Variants in KCTD8 observed in about 807,000 individuals in gnomAD.
The protein encoded by KCTD8 is BTB/POZ domain-containing protein KCTD8.
In KCTD8, 27 loss-of-function variants were observed where a neutral mutation model predicts 31.5. That is an observed-to-expected ratio of 0.86 (90% CI 0.63 to 1.18). The LOEUF (loss-of-function observed/expected upper bound fraction) is 1.18, where lower values mean the gene tolerates loss of function less well. KCTD8 is among the 50% of genes most tolerant of loss of function. KCTD8 has a pLI of 0.00. For synonymous variants in KCTD8, 290 were observed against 280.0 expected (o/e 1.04, Z -0.36); for missense variants, 658 against 647.7 (o/e 1.02, Z -0.17).
chr4:44,326,743 T>G (rs1718451006), intron 1 of KCTD8, among the ~76,000 whole-genome samples: 1 of 151,842 alleles, frequency 6.6e-6, no homozygotes, highest in Non-Finnish European at 1.5e-5. Flanking sequence ...CTCTTCTGGT[T>G]ATTTACTATG....
chr4:44,258,785 T>C (rs1159026828), intron 1 of KCTD8, among the ~76,000 whole-genome samples: 1 of 151,876 alleles, frequency 6.6e-6, no homozygotes, highest in Non-Finnish European at 1.5e-5. Context: ...ATGAGTCAAG[T>C]GGTTTAAAAT....
chr4:44,243,836 A>T (rs917566632), intron 1 of KCTD8, among the ~76,000 whole-genome samples: 3 of 152,230 alleles, frequency 2.0e-5, no homozygotes, highest in Non-Finnish European at 4.4e-5. Context: ...ATTTTTGTCC[A>T]TTACTTTGCT....
At position 44,225,851 on chromosome 4, in the gene KCTD8, T is replaced by G. The variant is rs543578689; in HGVS notation, c.962-50601A>C. On this transcript the variant is annotated intron_variant, in intron 1 of 1. Coordinates refer to ENST00000360029, the MANE Select transcript of KCTD8 (RefSeq NM_198353.3). ...TTTTTTTTTTTTCGAGATGGAGTCT[T>G]GCTCTGTCGCCCAGGCTGGAGTGCC... 1.0e-4 allele frequency among the ~76,000 whole-genome samples: 15 copies of G among 143,954 alleles called. No homozygotes were observed. In the East Asian group the frequency reaches 3.2e-3, roughly 30 times the overall value. 94.4% of individuals were successfully genotyped at this position (143,954 alleles called of 152,430 possible).
intron 1 of KCTD8, among the ~76,000 whole-genome samples, chr4:44,266,932 C>T (rs910546356): frequency 6.6e-6 from 1 of 151,838 alleles, no homozygotes; most frequent in East Asian, 1.9e-4. Flanking sequence ...TAGACTCCCA[C>T]ACAATAATAA....
intron 1 of KCTD8, among the ~76,000 whole-genome samples, chr4:44,315,540 T>G (rs757916723): frequency 7.9e-5 from 12 of 152,162 alleles, no homozygotes; most frequent in Admixed American, 2.6e-4. Flanking sequence ...TAAGATTCAC[T>G]AGTTACTCTA....
chr4:44,260,102 G>A (rs1047763170), intron 1 of KCTD8, among the ~76,000 whole-genome samples: 5 of 150,966 alleles, frequency 3.3e-5, no homozygotes, highest in African/African-American at 1.2e-4. Flanking sequence ...CTTGTCACAA[G>A]CAAAATGAGA....
chr4:44,252,700 G>A (rs966858778), intron 1 of KCTD8, among the ~76,000 whole-genome samples: 3 of 151,440 alleles, frequency 2.0e-5, no homozygotes, highest in African/African-American at 7.3e-5. Context: ...ATTCTGCCTT[G>A]CCCTAGTGTA....
At position 44,380,283 on chromosome 4, in the gene KCTD8, C is replaced by G. The variant is rs910315242; in HGVS notation, c.961+67280G>C. Among the ~76,000 whole-genome samples, 91 of 151,760 alleles carry G rather than the reference C, an allele frequency of 6.0e-4. 1 individual carries two copies. The highest frequency in any genetic ancestry group is 2.1e-3 in the African/African-American group (87 of 41,366). On this transcript the variant is annotated intron_variant, in intron 1 of 1. Transcript: ENST00000360029. ...TTATCAAATTAAGCTACTCCAGATT[C>G]TACTTTCAGGTCACTTCTACAACCT...
At chr4:44,420,769 C>T (rs188483843) in intron 1 of KCTD8, among the ~76,000 whole-genome samples, 1 of 151,972 alleles carries the variant, frequency 6.6e-6, no homozygotes, top group Admixed American at 6.6e-5. Context: ...AATAATCATT[C>T]CTAATAGAGC....
At chr4:44,281,482 C>T (rs1716904447) in intron 1 of KCTD8, among the ~76,000 whole-genome samples, 1 of 152,108 alleles carries the variant, frequency 6.6e-6, no homozygotes, top group Admixed American at 6.6e-5. Flanking sequence ...CTGGACACTA[C>T]TCTGAACAAG....
At chr4:44,262,978 T>C (rs1354645493) in intron 1 of KCTD8, among the ~76,000 whole-genome samples, 1 of 152,164 alleles carries the variant, frequency 6.6e-6, no homozygotes, top group Non-Finnish European at 1.5e-5. Context: ...GAAACATATG[T>C]TGAATTATCA....
At chr4:44,406,700 A>C (rs921262058) in intron 1 of KCTD8, among the ~76,000 whole-genome samples, 1 of 152,166 alleles carries the variant, frequency 6.6e-6, no homozygotes, top group Non-Finnish European at 1.5e-5. Context: ...AGGAGCATAA[A>C]TTTCTATAGG....
At chr4:44,236,558 A>G (rs997229812) in intron 1 of KCTD8, among the ~76,000 whole-genome samples, 1 of 152,142 alleles carries the variant, frequency 6.6e-6, no homozygotes, top group Non-Finnish European at 1.5e-5. Flanking sequence ...ATAAACATGT[A>G]ATTTTGAAGC....
At chr4:44,241,801 G>A (rs534271038) in intron 1 of KCTD8, among the ~76,000 whole-genome samples, 26 of 152,250 alleles carry the variant, frequency 1.7e-4, no homozygotes, top group African/African-American at 5.8e-4. Context: ...GAGAGTACAG[G>A]CCTGCACAGT....
At chr4:44,272,440 T>C in intron 1 of KCTD8, among the ~76,000 whole-genome samples, 1 of 152,076 alleles carries the variant, frequency 6.6e-6, no homozygotes, top group East Asian at 1.9e-4. Context: ...AAATTCATTA[T>C]GAGGCACTTT....
Position 44,393,866 on chromosome 4 carries a change from T to C in KCTD8, c.961+53697A>G, listed in dbSNP as rs189304099. Among the ~76,000 whole-genome samples, 11 of 151,890 alleles carry C rather than the reference T, an allele frequency of 7.2e-5. No individual in the cohort carries two copies. In the East Asian group the frequency reaches 1.6e-3, roughly 21 times the overall value. On this transcript the variant is annotated intron_variant, in intron 1 of 1. Transcript: ENST00000360029. ...TCAAATAAAGAGCTTATTTTTGCCA[T>C]TGCACTATATGATTAAAAAATTAAA...
At chr4:44,175,587 AT>A (rs1257121558) in intron 1 of KCTD8, among the ~76,000 whole-genome samples, 4 of 152,230 alleles carry the variant, frequency 2.6e-5, no homozygotes, top group Non-Finnish European at 5.9e-5. Context: ...ATAAAAAAAA[AT>A]GTAATGTTTT....
chr4:44,426,811 GAAAC>G (rs920057896), intron 1 of KCTD8, among the ~76,000 whole-genome samples: 2 of 151,528 alleles, frequency 1.3e-5, no homozygotes, highest in Admixed American at 6.6e-5. Context: ...AACAGAGAAA[GAAAC>G]AAATCTAGTT....
chr4:44,389,883 A>T (rs539043912), intron 1 of KCTD8, among the ~76,000 whole-genome samples: 58 of 151,998 alleles, frequency 3.8e-4, no homozygotes, highest in African/African-American at 1.4e-3. Context: ...TTCCCTGATC[A>T]TTAGTGATGT....
Sources: allele counts gnomAD v4.1 joint callset (sites outside exome capture counted in the v4.1 genomes callset), GRCh38; gene constraint gnomAD v4.1.1; transcripts MANE v1.5; gene names NCBI Gene and HGNC (gene_info 2026-07-23, HGNC 2026-07-21).